The following USP7 variants were observed in gnomAD, a reference collection of about 807,000 sequenced individuals.
The protein encoded by USP7 is ubiquitin specific peptidase 7.
In USP7, 9 loss-of-function variants were observed where a neutral mutation model predicts 162.9. The ratio of observed to expected loss-of-function variants is 0.06; its 90% CI spans 0.03 to 0.10. The LOEUF is 0.10. USP7 is among the 10% of genes least tolerant of loss of function. The pLI, the probability that USP7 is intolerant of heterozygous loss-of-function variation, is 1.00. For missense variants in USP7, 715 were observed against 1,373.7 expected (o/e 0.52, Z 7.58); for synonymous variants, 562 against 475.9 (o/e 1.18, Z -2.35).
rs188005345 is a variant in USP7, at chr16:8,942,523, C to T, written c.80-12126G>A. Among the ~76,000 whole-genome samples the T allele has an allele frequency of 1.2e-3, 188 of 152,290 alleles. No homozygotes were observed. The Middle Eastern group carries it at 0.02, about 17-fold the overall frequency. Reference sequence around the variant, plus strand: ...CCCTCCTAAGTAACTCTGAATCCCTCTGGTCTTATTAACAATATTTGGCTT... The same window carrying T: ...CCCTCCTAAGTAACTCTGAATCCCTTTGGTCTTATTAACAATATTTGGCTT... On this transcript the variant is annotated intron_variant, in intron 1 of 30. Transcript: ENST00000344836.
chr16:8,925,514 G>A (rs1399154525), intron 2 of USP7, among the ~76,000 whole-genome samples: 2 of 152,070 alleles, frequency 1.3e-5, no homozygotes, highest in Non-Finnish European at 2.9e-5. Flanking sequence ...AAGTGCTTTT[G>A]GAACTTTCAC....
chr16:8,902,450 G>A lies in USP7; in HGVS notation c.1872C>T (p.Pro624=). 1.2e-6 allele frequency: 2 copies of A among 1,613,844 alleles called. No homozygotes were observed. The highest frequency in any genetic ancestry group is 1.6e-4 in the Middle Eastern group (1 of 6,062). The change falls in exon 17 of 31, where the codon CCC becomes CCT. Residue 624 remains proline (P), a synonymous_variant. Coordinates refer to ENST00000344836, the MANE Select transcript of USP7 (RefSeq NM_003470.3). ...TTGTTCCATTACTCCTTGCTTGCAT[G>A]GGCCACAATCGAATTTGATCTTGTG... The part of the protein sequence containing the change: ...GFPQDQIRLW[P]MQARSNGTKR...
intron 1 of USP7, among the ~76,000 whole-genome samples, chr16:8,953,268 G>C (rs771170934): frequency 2.6e-5 from 4 of 152,036 alleles, no homozygotes; most frequent in African/African-American, 7.2e-5. Flanking sequence ...CTGCACACGT[G>C]TTCAGGGCTC....
At chr16:8,894,405 G>T (rs539716023) in intron 30 of USP7, 145 bp downstream of exon 30, 1 of 724,718 alleles carries the variant, frequency 1.4e-6, no homozygotes, top group Non-Finnish European at 2.3e-6. Context: ...GTAGGTTATG[G>T]AATGCTATTG....
At chr16:8,956,673 G>C (rs1397152701) in intron 1 of USP7, among the ~76,000 whole-genome samples, 2 of 152,030 alleles carry the variant, frequency 1.3e-5, no homozygotes, top group African/African-American at 4.8e-5. Flanking sequence ...TGAGGCAGGA[G>C]TATGGCTTAA....
At chr16:8,954,016 A>C (rs573867625) in intron 1 of USP7, among the ~76,000 whole-genome samples, 24 of 102 alleles carry the variant, frequency 0.24, 12 homozygotes, top group Admixed American at 0.33. Flanking sequence ...CACGTGCCCC[A>C]TGCGGCGCCA....
intron 1 of USP7, among the ~76,000 whole-genome samples, chr16:8,955,141 T>C (rs1420201789): frequency 6.6e-6 from 1 of 152,252 alleles, no homozygotes; most frequent in East Asian, 1.9e-4. Flanking sequence ...ATGCTTGTTC[T>C]AAGAATAACC....
At chr16:8,926,699 A>G (rs866933087) in intron 2 of USP7, among the ~76,000 whole-genome samples, 1 of 152,224 alleles carries the variant, frequency 6.6e-6, no homozygotes, top group South Asian at 2.1e-4. Flanking sequence ...GGACACCCAC[A>G]TTCACTGCAA....
intron 2 of USP7, among the ~76,000 whole-genome samples, chr16:8,926,866 A>G (rs895263667): frequency 1.3e-5 from 2 of 152,214 alleles, no homozygotes; most frequent in Non-Finnish European, 2.9e-5. Context: ...AGATTCCTTG[A>G]TAACTCTCAC....
In USP7 at chr16:8,931,324, G is replaced by A. The variant is rs542289031; in HGVS notation, c.80-927C>T. Among the ~76,000 whole-genome samples the A allele has an allele frequency of 7.8e-4, 118 of 152,164 alleles. 1 individual carries two copies. Among genetic ancestry groups the A allele is most frequent in the Non-Finnish European group, 1.4e-3 (92 of 67,990 alleles). Reference sequence around the variant, plus strand: ...CTGCCTCAGCCTCCTGAGTAGCTGGGATTAGAAGCATGTGCCACCACGCCC... The same window carrying A: ...CTGCCTCAGCCTCCTGAGTAGCTGGAATTAGAAGCATGTGCCACCACGCCC... On this transcript the variant is annotated intron_variant, in intron 1 of 30. Coordinates refer to ENST00000344836, the MANE Select transcript of USP7 (RefSeq NM_003470.3).
chr16:8,946,293 A>C (rs938695098), intron 1 of USP7, among the ~76,000 whole-genome samples: 3 of 152,148 alleles, frequency 2.0e-5, no homozygotes, highest in East Asian at 1.9e-4. Flanking sequence ...ACAACAACAA[A>C]AAAATGGCAG....
intron 10 of USP7, among the ~76,000 whole-genome samples, chr16:8,914,145 AAAGG>A (rs1438104716): frequency 6.6e-6 from 1 of 152,140 alleles, no homozygotes; most frequent in Non-Finnish European, 1.5e-5. Context: ...AGCATTTTAT[AAAGG>A]AAGACATCCA....
chr16:8,931,141 T>C (rs1022402891), intron 1 of USP7, among the ~76,000 whole-genome samples: 1 of 152,102 alleles, frequency 6.6e-6, no homozygotes, highest in Non-Finnish European at 1.5e-5. Flanking sequence ...ATGCAAATGG[T>C]ATACATTAAA....
intron 1 of USP7, among the ~76,000 whole-genome samples, chr16:8,957,566 C>A (rs552268018): frequency 4.6e-5 from 7 of 151,434 alleles, no homozygotes; most frequent in African/African-American, 1.7e-4. Flanking sequence ...CATAGCAAGA[C>A]CCCATCTCTA....
chr16:8,961,510 G>GGC (rs1434841328), intron 1 of USP7, among the ~76,000 whole-genome samples: 1 of 132,322 alleles, frequency 7.6e-6, no homozygotes, highest in African/African-American at 2.7e-5. Context: ...AAAAAGGGGG[G>GGC]GGGGGGCAAA....
At chr16:8,935,623 A>G (rs1199850073) in intron 1 of USP7, 2 of 152,238 alleles carry the variant, frequency 1.3e-5, no homozygotes, top group Non-Finnish European at 2.9e-5. Context: ...AAAAACGTCT[A>G]TAGGAAATAA....
rs1334658283 is a variant in USP7, at chr16:8,952,274, AACC to A, written c.79+10930_79+10932del. ...AAAAAAATATTAATTAAAATTCAGT[AACC>A]ACTACTTTATGACCAATAGCACTTA... On this transcript the variant is annotated intron_variant, in intron 1 of 30. Coordinates refer to ENST00000344836, the MANE Select transcript of USP7 (RefSeq NM_003470.3). Among the ~76,000 whole-genome samples the A allele has an allele frequency of 4.6e-5, 7 of 152,140 alleles. No homozygotes were observed. The South Asian group carries it at 1.5e-3, about 32-fold the overall frequency.
At chr16:8,900,702 T>G in intron 20 of USP7, 72 bp from the exon 21 acceptor site, 2 of 1,142,848 alleles carry the variant, frequency 1.8e-6, no homozygotes, top group Non-Finnish European at 2.5e-6. Context: ...TAGTCTTCCA[T>G]GTACTTAAGT....
chr16:8,916,447 A>C (rs2141202799), intron 8 of USP7, 55 bp downstream of exon 8: 1 of 1,562,332 alleles, frequency 6.4e-7, no homozygotes, highest in Non-Finnish European at 8.7e-7. Context: ...ATAACTTCTG[A>C]CCATGCTTCA....
Sources: gnomAD v4.1 joint callset for allele counts (sites outside exome capture counted in the v4.1 genomes callset) on GRCh38, gnomAD v4.1.1 for gene constraint, MANE v1.5 for transcripts, NCBI Gene and HGNC (gene_info 2026-07-23, HGNC 2026-07-21) for gene names.